CGREF1: variants seen among roughly 807,000 people sequenced by gnomAD.
CGREF1 encodes the protein cell growth regulator with EF hand domain protein 1.
In CGREF1, 16 loss-of-function variants were observed where a neutral mutation model predicts 17.4. That is an observed-to-expected ratio of 0.92 (90% CI 0.62 to 1.40). The LOEUF is 1.40. CGREF1 is among the 40% of genes most tolerant of loss of function. The pLI, the probability that CGREF1 is intolerant of heterozygous loss-of-function variation, is 0.00. For missense variants in CGREF1, 296 were observed against 376.4 expected, an observed-to-expected ratio of 0.79 and a Z score of 1.77; for synonymous variants, 142 against 154.6, an observed-to-expected ratio of 0.92 and a Z score of 0.61.
chr2:27,103,930 C>G (rs923069196), intron 2 of CGREF1, among the ~76,000 whole-genome samples: 1 of 152,164 alleles, frequency 6.6e-6, no homozygotes, highest in Non-Finnish European at 1.5e-5. Flanking sequence ...TCGCAGTGAG[C>G]TGAGATCATG....
At chr2:27,111,662 A>T (rs1257964696) in intron 1 of CGREF1, among the ~76,000 whole-genome samples, 1 of 152,120 alleles carries the variant, frequency 6.6e-6, no homozygotes, top group Non-Finnish European at 1.5e-5. Flanking sequence ...CCCCGCGGGG[A>T]GGCAGCTGAG....
At chr2:27,109,337 A>C (rs1671257577) in intron 1 of CGREF1, among the ~76,000 whole-genome samples, 1 of 151,576 alleles carries the variant, frequency 6.6e-6, no homozygotes, top group Non-Finnish European at 1.5e-5. Context: ...ACACCACTGT[A>C]ATCTAGCCTG....
chr2:27,101,930 T>A, intron 5 of CGREF1, 42 bp from the exon 6 acceptor site: 1 of 1,598,436 alleles, frequency 6.3e-7, no homozygotes, highest in Non-Finnish European at 8.5e-7. Context: ...GGGACAGAGA[T>A]GTTCCCAGGA....
intron 1 of CGREF1, among the ~76,000 whole-genome samples, chr2:27,106,838 G>A (rs1023758902): frequency 4.6e-5 from 7 of 152,178 alleles, no homozygotes; most frequent in African/African-American, 1.7e-4. Context: ...AGCTGGTCTC[G>A]AACTCCTGAT....
rs754817846 is a variant in CGREF1, at chr2:27,101,654, CCTT to C, written c.574_576del (p.Lys192del). 6.2e-7 allele frequency: 1 copy of C among 1,614,218 alleles called. No homozygotes were observed. Among genetic ancestry groups the C allele is most frequent in the Non-Finnish European group, 8.5e-7 (1 of 1,180,040 alleles). On this transcript the variant is annotated inframe_deletion, in exon 6 of 6. Coordinates refer to ENST00000402394, the MANE Select transcript of CGREF1 (RefSeq NM_006569.6). ...GACTCCCTTCTGGCCTCTACCTGGC[CCTT>C]TGCTTCTTCTCTGGGACCAGGGGCT...
At chr2:27,118,771 C>T (rs1196982662) in intron 1 of CGREF1, 75 bp downstream of exon 1, 1 of 152,286 alleles carries the variant, frequency 6.6e-6, no homozygotes, top group African/African-American at 2.4e-5. Context: ...TGGAGGCCAC[C>T]TACCCCGCGC....
At chr2:27,109,880 C>A (rs569577363) in intron 1 of CGREF1, among the ~76,000 whole-genome samples, 3 of 63,884 alleles carry the variant, frequency 4.7e-5, no homozygotes, top group Non-Finnish European at 8.5e-5. Flanking sequence ...AGGAAGACTC[C>A]GTCTCAAAAA....
intron 1 of CGREF1, chr2:27,104,882 A>C: frequency 7.9e-7 from 1 of 1,266,522 alleles, no homozygotes; most frequent in Non-Finnish European, 1.1e-6. Context: ...AAATCAAAAG[A>C]GGCGCAGACT....
rs1670780767 is a variant in CGREF1 at position 27,100,883 on chromosome 2, G to C, written c.*391C>G. The C allele has an allele frequency of 4.6e-6, 5 of 1,093,000 alleles. No individual in the cohort carries two copies. Among genetic ancestry groups the C allele is most frequent in the Non-Finnish European group, 4.5e-6 (4 of 896,482 alleles). 67.7% of individuals were successfully genotyped at this position (1,093,000 alleles called of 1,614,324 possible). On this transcript the variant is annotated 3_prime_UTR_variant, in exon 6 of 6. Transcript: ENST00000402394. The stretch of plus-strand genomic sequence containing the variant: ...GTGAGGGGGAACCGGTGAGGGTTTG[G>C]GGCCCAGGGATAGACTGAGCTTTCC...
Position 27,101,248 on chromosome 2 carries a change from T to G in CGREF1, c.*26A>C. ...GGGCTTATGTTCTGGCACTGAGACT[T>G]CGTGGGGTACCTGTATCTTCAAGAT... On this transcript the variant is annotated 3_prime_UTR_variant, in exon 6 of 6. Transcript: ENST00000402394. 1.3e-6 allele frequency: 2 copies of G among 1,525,532 alleles called. No homozygotes were observed. The highest frequency in any genetic ancestry group is 1.8e-6 in the Non-Finnish European group (2 of 1,136,638). The allele number at this position is 1,525,532 out of a possible 1,614,324, so 94.5% of individuals were successfully genotyped here.
chr2:27,118,482 G>A (rs930866724), intron 1 of CGREF1, among the ~76,000 whole-genome samples: 1 of 152,242 alleles, frequency 6.6e-6, no homozygotes, highest in Non-Finnish European at 1.5e-5. Context: ...CGACAGCCTC[G>A]GGCCCTCCCC....
chr2:27,114,542 G>A (rs1390617364), intron 1 of CGREF1, among the ~76,000 whole-genome samples: 1 of 152,156 alleles, frequency 6.6e-6, no homozygotes, highest in Non-Finnish European at 1.5e-5. Context: ...CTGAAATGGT[G>A]CTTACATGAC....
intron 1 of CGREF1, chr2:27,104,882 A>G: frequency 6.3e-6 from 8 of 1,266,522 alleles, no homozygotes; most frequent in Non-Finnish European, 8.5e-6. Context: ...AAATCAAAAG[A>G]GGCGCAGACT....
chr2:27,114,529 T>A (rs1319750291), intron 1 of CGREF1, among the ~76,000 whole-genome samples: 5 of 152,100 alleles, frequency 3.3e-5, no homozygotes, highest in African/African-American at 1.2e-4. Context: ...TTCTAATGAG[T>A]TGCTGAAATG....
chr2:27,102,664 C>T (rs1347234849), intron 2 of CGREF1, 73 bp from the exon 3 acceptor site: 5 of 1,478,358 alleles, frequency 3.4e-6, no homozygotes, highest in Non-Finnish European at 4.6e-6. Flanking sequence ...CTTCTGCCTC[C>T]AATCTCCTGG....
At position 27,100,963 on chromosome 2, in the gene CGREF1, G is replaced by A; in HGVS notation, c.*311C>T. ...TAGCACCATGCGCTCTGCTGCCGGA[G>A]CACCGTGAGGCCCAGAAACACTGGG... is the stretch of plus-strand genomic sequence containing the variant. On this transcript the variant is annotated 3_prime_UTR_variant, in exon 6 of 6. Coordinates refer to ENST00000402394, the MANE Select transcript of CGREF1 (RefSeq NM_006569.6). The A allele has an allele frequency of 8.6e-7, 1 of 1,161,374 alleles. No individual in the cohort carries two copies. The highest frequency in any genetic ancestry group is 3.0e-5 in the South Asian group (1 of 33,718). 71.9% of individuals were successfully genotyped at this position (1,161,374 alleles called of 1,614,324 possible).
Position 27,100,933 on chromosome 2 carries a change from A to G in CGREF1, c.*341T>C, listed in dbSNP as rs1670784171. 9.0e-7 allele frequency: 1 copy of G among 1,114,224 alleles called. No homozygotes were observed. Among genetic ancestry groups the G allele is most frequent in the Non-Finnish European group, 1.1e-6 (1 of 911,148 alleles). The allele number at this position is 1,114,224 out of a possible 1,614,324, so 69.0% of individuals were successfully genotyped here. A position where few individuals can be genotyped will look rare whatever the true frequency, so the allele number is the denominator to read the frequency against. ...CTCACTGGGTCCTCTGCAGCCGGCCATGGCTAGCACCATGCGCTCTGCTGC... is the reference window on the plus strand; with the variant it reads ...CTCACTGGGTCCTCTGCAGCCGGCCGTGGCTAGCACCATGCGCTCTGCTGC... On this transcript the variant is annotated 3_prime_UTR_variant, in exon 6 of 6. Coordinates refer to ENST00000402394, the MANE Select transcript of CGREF1 (RefSeq NM_006569.6).
intron 1 of CGREF1, among the ~76,000 whole-genome samples, chr2:27,116,918 TCTC>T (rs1168095404): frequency 6.0e-4 from 49 of 81,566 alleles, no homozygotes; most frequent in African/African-American, 2.2e-3. Context: ...TCTCTCTCTC[TCTC>T]TCTTTTTTTG....
At chr2:27,108,127 C>A (rs1003334953) in intron 1 of CGREF1, among the ~76,000 whole-genome samples, 12 of 151,798 alleles carry the variant, frequency 7.9e-5, no homozygotes, top group Non-Finnish European at 1.2e-4. Flanking sequence ...TGGTGGCACA[C>A]GCCTGTAATC....
Sources: allele counts gnomAD v4.1 joint callset (sites outside exome capture counted in the v4.1 genomes callset), GRCh38; gene constraint gnomAD v4.1.1; transcripts MANE v1.5; gene names NCBI Gene and HGNC (gene_info 2026-07-23, HGNC 2026-07-21).